NFYC: variants seen among roughly 807,000 people sequenced by gnomAD.
NFYC encodes the protein nuclear transcription factor Y subunit gamma, also known as CAAT box DNA-binding protein subunit C.
A neutral mutation model predicts 53.1 loss-of-function variants in NFYC; 25 were observed. The ratio of observed to expected loss-of-function variants is 0.47; its 90% CI spans 0.34 to 0.66. The LOEUF is 0.66. Ranked by LOEUF, NFYC falls within the 30% of genes least tolerant of loss-of-function variation. NFYC has a pLI of 0.01. For missense variants in NFYC, 260 were observed against 422.7 expected (o/e 0.62, Z 3.38); for synonymous variants, 145 against 152.6 (o/e 0.95, Z 0.37).
chr1:40,767,754 T>G (rs1260600651), intron 8 of NFYC, among the ~76,000 whole-genome samples: 1 of 152,034 alleles, frequency 6.6e-6, no homozygotes, highest in Non-Finnish European at 1.5e-5. Flanking sequence ...CTGAGGCAGG[T>G]GATCACATGA....
In NFYC at chr1:40,760,719, A is replaced by G. The variant is rs373101958; in HGVS notation, c.562-2169A>G. On this transcript the variant is annotated intron_variant, in intron 6 of 9. Transcript: ENST00000447388. ...TGGGTGACAGAGCGAGACTGTCTCA[A>G]AAAAAAAAAAAGGTAATTATGATTT... Among the ~76,000 whole-genome samples the G allele has an allele frequency of 1.2e-3, 171 of 148,594 alleles. 2 individuals are homozygous for G. In the East Asian group the frequency reaches 0.026, roughly 22 times the overall value.
chr1:40,703,004 A>G (rs1223032637), intron 1 of NFYC, among the ~76,000 whole-genome samples: 1 of 151,688 alleles, frequency 6.6e-6, no homozygotes. Context: ...TTTAGTGGAG[A>G]CGGGGTTTCC....
At chr1:40,761,655 G>A (rs16827569) in intron 6 of NFYC, among the ~76,000 whole-genome samples, 1 of 151,964 alleles carries the variant, frequency 6.6e-6, no homozygotes, top group Admixed American at 6.6e-5. Flanking sequence ...TAATTTCTCC[G>A]TAGTAATCCC....
chr1:40,703,691 A>C (rs1351164253), intron 1 of NFYC, among the ~76,000 whole-genome samples: 1 of 152,176 alleles, frequency 6.6e-6, no homozygotes, highest in African/African-American at 2.4e-5. Flanking sequence ...ATATGTAGAT[A>C]AAAATAAAGA....
chr1:40,732,754 C>T (rs1644828137), intron 1 of NFYC, among the ~76,000 whole-genome samples: 1 of 152,160 alleles, frequency 6.6e-6, no homozygotes. Flanking sequence ...TGGTATGCAT[C>T]CACATTTCCA....
intron 1 of NFYC, 162 bp downstream of exon 1, chr1:40,692,029 C>A: frequency 5.1e-6 from 1 of 196,932 alleles, no homozygotes; most frequent in Non-Finnish European, 1.1e-5. Flanking sequence ...TTGCCTGGCC[C>A]GCTGCTGTCG....
At chr1:40,693,485 C>G (rs1463068177) in intron 1 of NFYC, among the ~76,000 whole-genome samples, 2 of 152,162 alleles carry the variant, frequency 1.3e-5, no homozygotes, top group African/African-American at 2.4e-5. Flanking sequence ...TCAAGAAACT[C>G]CTAGGGTTTT....
intron 1 of NFYC, among the ~76,000 whole-genome samples, chr1:40,717,729 A>G (rs1644190098): frequency 6.6e-6 from 1 of 152,178 alleles, no homozygotes; most frequent in South Asian, 2.1e-4. Context: ...ACTAGGTTTT[A>G]TTTTTTGAGT....
intron 1 of NFYC, among the ~76,000 whole-genome samples, chr1:40,727,759 A>T (rs1644586810): frequency 1.3e-5 from 2 of 150,966 alleles, no homozygotes; most frequent in African/African-American, 2.4e-5. Context: ...TCTCAAACTC[A>T]TGACCTTGTG....
intron 1 of NFYC, among the ~76,000 whole-genome samples, chr1:40,734,587 C>G (rs999547929): frequency 1.3e-5 from 2 of 152,096 alleles, no homozygotes; most frequent in African/African-American, 2.4e-5. Flanking sequence ...TCTCGAACTC[C>G]TGACCTCAGG....
At chr1:40,769,297 G>A in intron 8 of NFYC, 59 bp from the exon 9 acceptor site, 1 of 1,539,806 alleles carries the variant, frequency 6.5e-7, no homozygotes, top group Non-Finnish European at 9.0e-7. Flanking sequence ...TTTGGGTGGT[G>A]GGCTGGTGGA....
chr1:40,718,430 C>T (rs1644216401), intron 1 of NFYC, among the ~76,000 whole-genome samples: 1 of 152,168 alleles, frequency 6.6e-6, no homozygotes, highest in African/African-American at 2.4e-5. Flanking sequence ...TTCTCTTTTC[C>T]ATACTTGCTT....
chr1:40,715,015 G>GT, intron 1 of NFYC, among the ~76,000 whole-genome samples: 1 of 152,088 alleles, frequency 6.6e-6, no homozygotes, highest in Non-Finnish European at 1.5e-5. Flanking sequence ...GGGAGGCGGA[G>GT]CTTGCAGTGA....
intron 1 of NFYC, among the ~76,000 whole-genome samples, chr1:40,707,419 G>A (rs560396007): frequency 1.4e-4 from 21 of 150,426 alleles, no homozygotes; most frequent in African/African-American, 4.7e-4. Flanking sequence ...GGTGGAGGTT[G>A]CAGTGAGTCA....
chr1:40,705,029 A>C (rs1643628468), intron 1 of NFYC, among the ~76,000 whole-genome samples: 1 of 152,230 alleles, frequency 6.6e-6, no homozygotes, highest in African/African-American at 2.4e-5. Flanking sequence ...CCATTTTTTC[A>C]ATGCTTATTC....
In NFYC at chr1:40,736,893, G is replaced by A. The variant is rs185925513; in HGVS notation, c.-8-1943G>A. On this transcript the variant is annotated intron_variant, in intron 1 of 9. Transcript: ENST00000447388. ...TGTAATCCCAGCACTTTGGGAGGAC[G>A]AGGCAGGTGGATCATCTGAGGTCAG... 1.1e-4 allele frequency among the ~76,000 whole-genome samples: 16 copies of A among 149,624 alleles called. No homozygotes were observed. In the East Asian group the frequency reaches 3.0e-3, roughly 28 times the overall value.
chr1:40,732,655 C>T (rs556897047), intron 1 of NFYC, among the ~76,000 whole-genome samples: 26 of 152,234 alleles, frequency 1.7e-4, no homozygotes, highest in African/African-American at 6.3e-4. Context: ...TCCTACTTAC[C>T]CATTGTCATT....
Position 40,762,897 on chromosome 1 carries a change from G to T in NFYC, c.571G>T (p.Val191Leu). The change falls in exon 7 of 10, where the codon GTG becomes TTG. Residue 191 changes from valine (V) to leucine (L), a missense_variant. Physicochemically the swap from Val to Leu is conservative, Grantham distance 32 (BLOSUM62 1). Coordinates refer to ENST00000447388, the MANE Select transcript of NFYC (RefSeq NM_014223.5). ...TAACTCTTCCTTTCAGACCACACCT[G>T]TGACAATGCAGGTTGGAGAAGGTCA... ...AQPQQGQTTP[V>L]TMQVGEGQQV... is the part of the protein sequence containing the mutation. The T allele has an allele frequency of 6.2e-7, 1 of 1,601,864 alleles. No homozygotes were observed. Among genetic ancestry groups the T allele is most frequent in the South Asian group, 1.1e-5 (1 of 89,658 alleles).
In NFYC at chr1:40,760,294, C is replaced by T. The variant is rs116026834; in HGVS notation, c.561+2000C>T. ...TAAGTAATTATGATTTGGCCAGGTG[C>T]GGTGGCTCACACCTATAATCCCATC... is the stretch of plus-strand genomic sequence containing the variant. On this transcript the variant is annotated intron_variant, in intron 6 of 9. Transcript: ENST00000447388. Among the ~76,000 whole-genome samples the T allele has an allele frequency of 3.5e-3, 532 of 152,244 alleles. 6 individuals are homozygous for T. The highest frequency in any genetic ancestry group is 0.012 in the African/African-American group (505 of 41,538).
Sources: gnomAD v4.1 joint callset for allele counts (sites outside exome capture counted in the v4.1 genomes callset) on GRCh38, gnomAD v4.1.1 for gene constraint, MANE v1.5 for transcripts, NCBI Gene and HGNC (gene_info 2026-07-23, HGNC 2026-07-21) for gene names.